Variants in ROBO1 observed in about 807,000 individuals in gnomAD.
ROBO1 encodes roundabout homolog 1.
In ROBO1, 149 loss-of-function variants were observed where a neutral mutation model predicts 195.9. That is an observed-to-expected ratio of 0.76 (90% CI 0.67 to 0.87). The LOEUF (loss-of-function observed/expected upper bound fraction) is 0.87. ROBO1 is among the 40% of genes least tolerant of loss of function. ROBO1 has a pLI of 0.00. For missense variants in ROBO1, 1,933 were observed against 2,068.3 expected, an observed-to-expected ratio of 0.93 and a Z score of 1.27; for synonymous variants, 816 against 733.2, an observed-to-expected ratio of 1.11 and a Z score of -1.82.
intron 3 of ROBO1, among the ~76,000 whole-genome samples, chr3:79,124,438 A>C (rs2080177628): frequency 6.6e-6 from 1 of 152,182 alleles, no homozygotes. Context: ...GATGCTTCAA[A>C]AGTAAAATAT....
At chr3:79,434,003 G>C (rs1273946284) in intron 2 of ROBO1, among the ~76,000 whole-genome samples, 1 of 152,158 alleles carries the variant, frequency 6.6e-6, no homozygotes, top group Non-Finnish European at 1.5e-5. Flanking sequence ...TGGGAAAACT[G>C]GCTAGCCATA....
At chr3:79,083,981 C>A (rs569735536) in intron 3 of ROBO1, among the ~76,000 whole-genome samples, 1 of 152,236 alleles carries the variant, frequency 6.6e-6, no homozygotes, top group Non-Finnish European at 1.5e-5. Flanking sequence ...TGTTTTTCAC[C>A]TTGAAAGCTT....
chr3:78,754,552 C>T (rs1241721690), intron 4 of ROBO1, among the ~76,000 whole-genome samples: 1 of 152,108 alleles, frequency 6.6e-6, no homozygotes, highest in Non-Finnish European at 1.5e-5. Flanking sequence ...GTGATTATCC[C>T]CTAGTATTTC....
intron 1 of ROBO1, among the ~76,000 whole-genome samples, chr3:79,740,244 T>TATAC (rs1336385139): frequency 6.8e-6 from 1 of 147,002 alleles, no homozygotes; most frequent in Non-Finnish European, 1.5e-5. Context: ...TAAATATATA[T>TATAC]ATATATATAC....
chr3:79,330,271 A>ATG (rs1253315409), intron 2 of ROBO1, among the ~76,000 whole-genome samples: 17 of 119,604 alleles, frequency 1.4e-4, no homozygotes, highest in South Asian at 6.9e-4. Flanking sequence ...ATGTATATAT[A>ATG]TGTATATATA....
chr3:79,171,041 G>A (rs1010994535), intron 2 of ROBO1, among the ~76,000 whole-genome samples: 5 of 151,120 alleles, frequency 3.3e-5, no homozygotes, highest in African/African-American at 7.3e-5. Flanking sequence ...TCTTAAATTC[G>A]TTGAAGTTAC....
At chr3:78,689,874 G>A (rs2081132814) in intron 8 of ROBO1, among the ~76,000 whole-genome samples, 1 of 151,844 alleles carries the variant, frequency 6.6e-6, no homozygotes, top group East Asian at 1.9e-4. Context: ...GTTCACAAAT[G>A]TCATCAGTCT....
At chr3:78,762,651 G>A (rs333486) in intron 4 of ROBO1, among the ~76,000 whole-genome samples, 151,642 of 152,126 alleles carry the variant, frequency 1, 75,584 homozygotes, top group Middle Eastern at 1. Context: ...TTCATGCATA[G>A]CAATTTCCTC....
At chr3:79,040,645 T>A (rs995437981) in intron 3 of ROBO1, among the ~76,000 whole-genome samples, 1 of 152,314 alleles carries the variant, frequency 6.6e-6, no homozygotes, top group African/African-American at 2.4e-5. Context: ...ATATATTTCA[T>A]ATGTATCTGC....
At chr3:79,206,275 T>C (rs1328631830) in intron 2 of ROBO1, among the ~76,000 whole-genome samples, 1 of 152,174 alleles carries the variant, frequency 6.6e-6, no homozygotes, top group Admixed American at 6.5e-5. Context: ...ATCATTATTT[T>C]ACTTAATAAA....
intron 2 of ROBO1, among the ~76,000 whole-genome samples, chr3:79,245,207 T>A (rs916661314): frequency 6.6e-6 from 1 of 152,134 alleles, no homozygotes; most frequent in Non-Finnish European, 1.5e-5. Context: ...AACTCATTCA[T>A]CTGGACAGAA....
chr3:79,711,467 G>T (rs1324597503), intron 1 of ROBO1, among the ~76,000 whole-genome samples: 1 of 151,992 alleles, frequency 6.6e-6, no homozygotes, highest in African/African-American at 2.4e-5. Flanking sequence ...TTTGGTTTTT[G>T]TTTTTACTCT....
At chr3:78,685,104 A>G (rs1449522716) in intron 10 of ROBO1, among the ~76,000 whole-genome samples, 4 of 152,108 alleles carry the variant, frequency 2.6e-5, no homozygotes, top group Non-Finnish European at 5.9e-5. Flanking sequence ...ACATGTATAT[A>G]TATTTATATG....
intron 2 of ROBO1, among the ~76,000 whole-genome samples, chr3:79,536,121 G>A (rs1420855773): frequency 6.6e-6 from 1 of 152,034 alleles, no homozygotes; most frequent in Admixed American, 6.6e-5. Context: ...CAAAATAGGT[G>A]AGAATTTAAT....
At chr3:79,521,198 A>G (rs769940744) in intron 2 of ROBO1, among the ~76,000 whole-genome samples, 4 of 152,160 alleles carry the variant, frequency 2.6e-5, no homozygotes, top group Non-Finnish European at 5.9e-5. Flanking sequence ...TTCCAGGACT[A>G]TAAAGATTAT....
intron 2 of ROBO1, among the ~76,000 whole-genome samples, chr3:79,247,679 G>GA (rs969736814): frequency 2.0e-5 from 3 of 152,006 alleles, no homozygotes; most frequent in African/African-American, 4.8e-5. Context: ...TCCACAAAAA[G>GA]AAAAAATATT....
At chr3:78,659,851 G>A in intron 16 of ROBO1, 44 bp from the exon 17 acceptor site, 1 of 1,523,192 alleles carries the variant, frequency 6.6e-7, no homozygotes, top group Non-Finnish European at 8.9e-7. Context: ...ATGTGCTAGA[G>A]AACACTGAAA....
At chr3:79,104,021 A>G (rs1317056878) in intron 3 of ROBO1, among the ~76,000 whole-genome samples, 1 of 151,734 alleles carries the variant, frequency 6.6e-6, no homozygotes, top group Non-Finnish European at 1.5e-5. Flanking sequence ...CTGGCTCTCT[A>G]CTCTGACAAC....
chr3:79,742,208 A>G (rs1048356769), intron 1 of ROBO1, among the ~76,000 whole-genome samples: 1 of 152,198 alleles, frequency 6.6e-6, no homozygotes, highest in African/African-American at 2.4e-5. Context: ...GTTAATAGCC[A>G]AGATGTTGGA....
Sources: gnomAD v4.1 joint callset for allele counts (sites outside exome capture counted in the v4.1 genomes callset) on GRCh38, gnomAD v4.1.1 for gene constraint, MANE v1.5 for transcripts, NCBI Gene and HGNC (gene_info 2026-07-23, HGNC 2026-07-21) for gene names.